Variants in DLG2 observed in about 807,000 individuals in gnomAD.
The protein encoded by DLG2 is disks large homolog 2.
In DLG2, 45 loss-of-function variants were observed where a neutral mutation model predicts 132.5. The ratio of observed to expected loss-of-function variants is 0.34; its 90% CI spans 0.27 to 0.44. The LOEUF is 0.44. Ranked by LOEUF, DLG2 falls within the 20% of genes least tolerant of loss-of-function variation. The probability of loss-of-function intolerance (pLI) is 1.00; values close to 1 mark genes in which losing one functional copy is unlikely to be tolerated. For synonymous variants in DLG2, 424 were observed against 419.6 expected (o/e 1.01, Z -0.13); for missense variants, 1,045 against 1,196.9 (o/e 0.87, Z 1.87).
chr11:83,644,536 A>C (rs917063800), intron 18 of DLG2, among the ~76,000 whole-genome samples: 1 of 152,060 alleles, frequency 6.6e-6, no homozygotes, highest in African/African-American at 2.4e-5. Flanking sequence ...TTACTCCTTG[A>C]GATGCTAAAT....
intron 3 of DLG2, among the ~76,000 whole-genome samples, chr11:85,457,361 G>C (rs1243488370): frequency 6.6e-6 from 1 of 152,134 alleles, no homozygotes; most frequent in Non-Finnish European, 1.5e-5. Context: ...CCTGAAGACA[G>C]CATACCATTA....
At chr11:85,443,835 T>C (rs1412233269) in intron 3 of DLG2, among the ~76,000 whole-genome samples, 3 of 151,534 alleles carry the variant, frequency 2.0e-5, no homozygotes, top group Non-Finnish European at 4.4e-5. Context: ...TTGTTTTGTC[T>C]TTTATCAAGC....
intron 8 of DLG2, among the ~76,000 whole-genome samples, chr11:84,227,890 G>T (rs1426043177): frequency 1.3e-5 from 2 of 149,602 alleles, no homozygotes; most frequent in Non-Finnish European, 3.0e-5. Context: ...CTATAGCCTG[G>T]GCGACAGAGT....
chr11:85,604,944 T>C (rs2080422507), intron 2 of DLG2, among the ~76,000 whole-genome samples: 1 of 152,122 alleles, frequency 6.6e-6, no homozygotes, highest in Admixed American at 6.5e-5. Context: ...TGATGATACA[T>C]AAAATCATTT....
chr11:84,934,952 C>A (rs578094033), intron 6 of DLG2, among the ~76,000 whole-genome samples: 1 of 152,084 alleles, frequency 6.6e-6, no homozygotes, highest in Non-Finnish European at 1.5e-5. Flanking sequence ...TTGCCTGTTA[C>A]TGGAACTTCG....
At chr11:85,052,332 G>A (rs574370452) in intron 6 of DLG2, among the ~76,000 whole-genome samples, 5 of 152,232 alleles carry the variant, frequency 3.3e-5, no homozygotes, top group East Asian at 1.9e-4. Context: ...TACTACTCAC[G>A]AAGTGGTTGT....
intron 6 of DLG2, among the ~76,000 whole-genome samples, chr11:84,747,639 AATT>A (rs2065550852): frequency 6.6e-6 from 1 of 152,350 alleles, no homozygotes; most frequent in East Asian, 1.9e-4. Flanking sequence ...GGTACTGAAT[AATT>A]ATTAGTTCAT....
intron 6 of DLG2, among the ~76,000 whole-genome samples, chr11:85,062,464 T>C (rs1290591179): frequency 6.6e-6 from 1 of 151,660 alleles, no homozygotes; most frequent in African/African-American, 2.4e-5. Context: ...ACAGGTAACA[T>C]TTATTGAAAA....
chr11:84,439,082 C>T (rs568258165), intron 7 of DLG2, among the ~76,000 whole-genome samples: 3 of 152,258 alleles, frequency 2.0e-5, no homozygotes, highest in South Asian at 4.2e-4. Context: ...TAGTCAGAAC[C>T]CATGTTCATG....
At chr11:84,886,329 T>A (rs982755087) in intron 6 of DLG2, among the ~76,000 whole-genome samples, 3 of 152,120 alleles carry the variant, frequency 2.0e-5, no homozygotes, top group African/African-American at 7.2e-5. Context: ...ATTATCATAT[T>A]TATAGAAGAA....
intron 15 of DLG2, among the ~76,000 whole-genome samples, chr11:83,908,849 T>C (rs1387531392): frequency 1.3e-5 from 2 of 152,136 alleles, no homozygotes; most frequent in African/African-American, 2.4e-5. Context: ...TTCTCCCACC[T>C]TGGCCTCCCC....
chr11:84,949,787 T>C (rs2050692331), intron 6 of DLG2, among the ~76,000 whole-genome samples: 2 of 152,200 alleles, frequency 1.3e-5, no homozygotes, highest in South Asian at 2.1e-4. Context: ...GTACAATTTG[T>C]GTAGTTAACG....
chr11:84,184,146 G>A (rs561848832), intron 8 of DLG2, among the ~76,000 whole-genome samples: 35 of 152,252 alleles, frequency 2.3e-4, no homozygotes, highest in East Asian at 3.9e-4. Context: ...CTGAGGAATC[G>A]CCACACTGAC....
intron 3 of DLG2, among the ~76,000 whole-genome samples, chr11:85,376,958 T>G (rs764663531): frequency 2.0e-5 from 3 of 152,168 alleles, no homozygotes; most frequent in Non-Finnish European, 4.4e-5. Flanking sequence ...CGCCTTACTA[T>G]ATGTCAGGCA....
chr11:83,515,140 G>A (rs906460585), intron 21 of DLG2, among the ~76,000 whole-genome samples: 1 of 152,158 alleles, frequency 6.6e-6, no homozygotes, highest in Non-Finnish European at 1.5e-5. Flanking sequence ...GAATTCGGCT[G>A]TGAATCCATC....
intron 6 of DLG2, among the ~76,000 whole-genome samples, chr11:85,000,262 T>A (rs1470876316): frequency 6.6e-6 from 1 of 152,166 alleles, no homozygotes; most frequent in East Asian, 1.9e-4. Context: ...GCTCATTCGA[T>A]CTTCAAGACA....
intron 6 of DLG2, among the ~76,000 whole-genome samples, chr11:84,787,227 G>A (rs1341799012): frequency 2.0e-5 from 3 of 152,092 alleles, no homozygotes; most frequent in African/African-American, 7.2e-5. Flanking sequence ...GGGGGCTTCT[G>A]TACTTTCTAT....
chr11:85,009,007 A>G (rs1371367753), intron 6 of DLG2, among the ~76,000 whole-genome samples: 1 of 152,038 alleles, frequency 6.6e-6, no homozygotes, highest in Non-Finnish European at 1.5e-5. Context: ...CATTCCAGAA[A>G]GAAAAGATGA....
chr11:84,219,724 T>C (rs571531775), intron 8 of DLG2, among the ~76,000 whole-genome samples: 7 of 152,344 alleles, frequency 4.6e-5, no homozygotes, highest in African/African-American at 9.6e-5. Context: ...AAAGCTTACA[T>C]ATGTGCGCCT....
Sources: gnomAD v4.1 joint callset for allele counts (sites outside exome capture counted in the v4.1 genomes callset) on GRCh38, gnomAD v4.1.1 for gene constraint, MANE v1.5 for transcripts, NCBI Gene and HGNC (gene_info 2026-07-23, HGNC 2026-07-21) for gene names.